Variants in LYSET observed in about 807,000 individuals in gnomAD.
The protein encoded by LYSET is GNPTAB cleavage and activity factor.
chr14:93,185,458 T>A, the LYSET span: 2 of 1,613,250 alleles, frequency 1.2e-6, no homozygotes, highest in African/African-American at 1.3e-5. Context: ...ACGCTTGCCG[T>A]GGGAACAGGA....
the LYSET span, chr14:93,185,210 G>C: frequency 3.2e-6 from 1 of 314,224 alleles, no homozygotes; most frequent in Non-Finnish European, 5.8e-6. Context: ...GGAGGCCCAA[G>C]TGGCGGGGAC....
the LYSET span, chr14:93,186,640 A>G: frequency 6.2e-7 from 1 of 1,610,632 alleles, no homozygotes; most frequent in Non-Finnish European, 8.5e-7. Context: ...GCTTCTAATC[A>G]GATCAGCAGA....
the LYSET span, chr14:93,186,252 A>G: frequency 1.1e-5 from 18 of 1,602,354 alleles, no homozygotes; most frequent in Admixed American, 1.7e-5. Flanking sequence ...TTCTTTTTTA[A>G]TTTGAAGGCA....
At chr14:93,186,164 C>T in the LYSET span, 22 of 1,286,254 alleles carry the variant, frequency 1.7e-5, no homozygotes, top group South Asian at 1.1e-4. Flanking sequence ...CCACCGCGCC[C>T]GGCCTAGAAT....
At chr14:93,186,092 A>G in the LYSET span, among the ~76,000 whole-genome samples, 1 of 151,884 alleles carries the variant, frequency 6.6e-6, no homozygotes, top group African/African-American at 2.4e-5. Flanking sequence ...GATGGTCTCT[A>G]TCACCTGACC....
chr14:93,188,314 A>G, the LYSET span, among the ~76,000 whole-genome samples: 6 of 152,316 alleles, frequency 3.9e-5, no homozygotes, highest in East Asian at 1.9e-4. Context: ...AAAAGATGCT[A>G]TCAAGTCATA....
chr14:93,185,347 C>T, the LYSET span: 1 of 1,549,728 alleles, frequency 6.5e-7, no homozygotes, highest in Non-Finnish European at 8.9e-7. Context: ...GCTGGCGGCG[C>T]TCACCTTTCT....
chr14:93,185,388 A>T, the LYSET span: 2 of 1,611,214 alleles, frequency 1.2e-6, no homozygotes, highest in Non-Finnish European at 1.7e-6. Flanking sequence ...GATTTATTTT[A>T]TGTTGGCTTT....
At chr14:93,186,149 G>A in the LYSET span, 6 of 1,075,158 alleles carry the variant, frequency 5.6e-6, no homozygotes, top group Non-Finnish European at 8.1e-6. Flanking sequence ...GATTACAGGC[G>A]CGAGCCACCG....
the LYSET span, chr14:93,186,585 A>G: frequency 3.6e-4 from 588 of 1,614,170 alleles, 4 homozygotes; most frequent in African/African-American, 6.2e-3. Flanking sequence ...TATCATCCCT[A>G]TATGCTTGGC....
chr14:93,187,953 G>A, the LYSET span, among the ~76,000 whole-genome samples: 3 of 150,504 alleles, frequency 2.0e-5, no homozygotes, highest in East Asian at 3.9e-4. Flanking sequence ...ATGCCTAGCT[G>A]TATTTATTTA....
At chr14:93,186,261 C>T in the LYSET span, 9 of 1,610,164 alleles carry the variant, frequency 5.6e-6, no homozygotes, top group Non-Finnish European at 6.8e-6. Flanking sequence ...AATTTGAAGG[C>T]ACAGAGCATG....
the LYSET span, chr14:93,185,352 C>A: frequency 6.3e-7 from 1 of 1,581,248 alleles, no homozygotes; most frequent in South Asian, 1.1e-5. Context: ...CGGCGCTCAC[C>A]TTTCTCCTAG....
At chr14:93,187,712 AC>A in the LYSET span, among the ~76,000 whole-genome samples, 1 of 152,000 alleles carries the variant, frequency 6.6e-6, no homozygotes, top group Non-Finnish European at 1.5e-5. Flanking sequence ...GCTCACTGGA[AC>A]CTTCGGCTCA....
the LYSET span, chr14:93,186,906 G>C: frequency 4.3e-6 from 2 of 466,172 alleles, no homozygotes; most frequent in Non-Finnish European, 3.9e-6. Context: ...GTTAAATCAT[G>C]TCTGTTATTT....
the LYSET span, chr14:93,186,771 G>C: frequency 7.7e-7 from 1 of 1,301,458 alleles, no homozygotes; most frequent in Non-Finnish European, 1.1e-6. Flanking sequence ...GGAAGTTGTC[G>C]TGGGGCAGAG....
the LYSET span, among the ~76,000 whole-genome samples, chr14:93,188,147 C>T: frequency 2.0e-5 from 3 of 151,954 alleles, no homozygotes; most frequent in African/African-American, 4.8e-5. Flanking sequence ...TTAGTAGAGA[C>T]GGGGTTTCAC....
At chr14:93,186,450 T>C in the LYSET span, 1 of 1,614,254 alleles carries the variant, frequency 6.2e-7, no homozygotes, top group East Asian at 2.2e-5. Context: ...GACACACTCC[T>C]TGAAAGCTCA....
chr14:93,186,914 T>C, the LYSET span: 222 of 461,894 alleles, frequency 4.8e-4, no homozygotes, highest in Non-Finnish European at 4.7e-4. Flanking sequence ...ATGTCTGTTA[T>C]TTGCATTCTT....
Sources: allele counts gnomAD v4.1 joint callset (sites outside exome capture counted in the v4.1 genomes callset), GRCh38; gene constraint gnomAD v4.1.1; transcripts MANE v1.5; gene names NCBI Gene and HGNC (gene_info 2026-07-23, HGNC 2026-07-21).